Variants in ARL6IP6 observed in about 807,000 individuals in gnomAD.
ARL6IP6 encodes ARF like GTPase 6 interacting protein 6.
ARL6IP6 carries 22 observed loss-of-function variants against 21.5 expected under a neutral mutation model. The observed-to-expected ratio is 1.02, with a 90% CI of 0.73 to 1.46. The LOEUF (loss-of-function observed/expected upper bound fraction) is 1.46. Ranked by LOEUF, ARL6IP6 falls within the 40% of genes most tolerant of loss-of-function variation. ARL6IP6 has a pLI of 0.00. For missense variants in ARL6IP6, 388 were observed against 299.8 expected, an observed-to-expected ratio of 1.29 and a Z score of -2.17; for synonymous variants, 164 against 125.3, an observed-to-expected ratio of 1.31 and a Z score of -2.06.
At chr2:152,740,719 G>A (rs1311902959) in intron 3 of ARL6IP6, among the ~76,000 whole-genome samples, 6 of 151,222 alleles carry the variant, frequency 4.0e-5, no homozygotes, top group Non-Finnish European at 8.9e-5. Flanking sequence ...GATTGCTTGA[G>A]CCCAGGAGTT....
chr2:152,741,171 C>A (rs749607226), intron 3 of ARL6IP6, among the ~76,000 whole-genome samples: 1 of 151,774 alleles, frequency 6.6e-6, no homozygotes, highest in African/African-American at 2.4e-5. Flanking sequence ...AAAAGTAATT[C>A]AGATTCTTTA....
At chr2:152,734,839 A>G (rs1403082865) in intron 2 of ARL6IP6, among the ~76,000 whole-genome samples, 155 bp from the exon 3 acceptor site, 3 of 152,214 alleles carry the variant, frequency 2.0e-5, no homozygotes, top group Non-Finnish European at 4.4e-5. Flanking sequence ...ATTTCTACAT[A>G]AGTTAGCTTG....
chr2:152,718,884 G>T lies in ARL6IP6; in HGVS notation c.260G>T (p.Arg87Leu). 1 of 1,613,888 alleles carries T rather than the reference G, an allele frequency of 6.2e-7. No individual in the cohort carries two copies. The highest frequency in any genetic ancestry group is 1.7e-4 in the Middle Eastern group (1 of 6,060). Residue 87 changes from arginine (R) to leucine (L), a missense_variant, in exon 1 of 4, where the codon CGC becomes CTC. Coordinates refer to ENST00000326446, the MANE Select transcript of ARL6IP6 (RefSeq NM_152522.7). Reference protein sequence around the residue: ...GNGSPVLPDKRNGIFPAAAGS... With the variant: ...GNGSPVLPDKLNGIFPAAAGS... ...GGGTCGCCCGTTCTGCCCGATAAGC[G>T]CAATGGTATCTTTCCCGCGGCCGCG...
chr2:152,732,315 G>GTTTCTGTT (rs1272130531), intron 2 of ARL6IP6, among the ~76,000 whole-genome samples: 1 of 152,016 alleles, frequency 6.6e-6, no homozygotes, highest in East Asian at 1.9e-4. Flanking sequence ...TGCATGAAGA[G>GTTTCTGTT]TTTCTGTTTA....
At chr2:152,726,366 C>G (rs78888772) in intron 2 of ARL6IP6, among the ~76,000 whole-genome samples, 1 of 151,972 alleles carries the variant, frequency 6.6e-6, no homozygotes, top group Non-Finnish European at 1.5e-5. Flanking sequence ...ACCATGCACT[C>G]TGCACCCACT....
intron 3 of ARL6IP6, among the ~76,000 whole-genome samples, chr2:152,757,265 G>C (rs556053441): frequency 3.3e-5 from 5 of 152,114 alleles, no homozygotes; most frequent in Non-Finnish European, 7.4e-5. Flanking sequence ...GGATCTTTTT[G>C]CAGTGCCAGA....
chr2:152,756,491 A>G (rs1189534175), intron 3 of ARL6IP6, among the ~76,000 whole-genome samples: 1 of 152,162 alleles, frequency 6.6e-6, no homozygotes, highest in Non-Finnish European at 1.5e-5. Flanking sequence ...CAAATTAAGA[A>G]CTTCTGTTCA....
At chr2:152,719,764 A>AAC in intron 1 of ARL6IP6, 3 of 249,324 alleles carry the variant, frequency 1.2e-5, no homozygotes, top group Non-Finnish European at 2.4e-5. Flanking sequence ...AAAAAAAAAA[A>AAC]AAAAAAAAAA....
At chr2:152,741,516 A>G (rs1700808528) in intron 3 of ARL6IP6, among the ~76,000 whole-genome samples, 1 of 152,234 alleles carries the variant, frequency 6.6e-6, no homozygotes, top group Middle Eastern at 3.4e-3. Context: ...AAAAAAAGTA[A>G]CATTTATTAC....
chr2:152,718,747 A>G lies in ARL6IP6; in HGVS notation c.123A>G (p.Glu41=), dbSNP rs939395106. 5.0e-6 allele frequency: 8 copies of G among 1,610,576 alleles called. No individual in the cohort carries two copies. The highest frequency in any genetic ancestry group is 6.8e-6 in the Non-Finnish European group (8 of 1,178,430). Reference sequence around the variant, plus strand: ...AGGGGGACAGCTGGGGTGAAGGCGAAGTCGACGAGGAGGAGGGATGCGACC... The same window carrying G: ...AGGGGGACAGCTGGGGTGAAGGCGAGGTCGACGAGGAGGAGGGATGCGACC... ...FTQGDSWGEG[E]VDEEEGCDQV... is the part of the protein sequence containing the mutation. Residue 41 remains glutamate, a synonymous_variant, in exon 1 of 4, where the codon GAA becomes GAG. Transcript: ENST00000326446.
intron 1 of ARL6IP6, among the ~76,000 whole-genome samples, chr2:152,719,487 T>A (rs1350073323): frequency 1.3e-5 from 2 of 152,192 alleles, no homozygotes; most frequent in Non-Finnish European, 2.9e-5. Context: ...CCAAATTTCT[T>A]CTTTTATAGG....
Position 152,760,977 on chromosome 2 carries a change from A to G in ARL6IP6, c.*1137A>G, listed in dbSNP as rs574207830. ...TTCCCCTATGTTACTAAAGACTTTTAATGTTTAGAAAGTTACCTCAGTTTT... is the reference window on the plus strand; with the variant it reads ...TTCCCCTATGTTACTAAAGACTTTTGATGTTTAGAAAGTTACCTCAGTTTT... On this transcript the variant is annotated 3_prime_UTR_variant, in exon 4 of 4. Transcript: ENST00000326446. The G allele has an allele frequency of 6.6e-6, 1 of 152,270 alleles. No individual in the cohort carries two copies. The highest frequency in any genetic ancestry group is 2.1e-4 in the South Asian group (1 of 4,824). 9.4% of individuals were successfully genotyped at this position (152,270 alleles called of 1,614,324 possible). A position where few individuals can be genotyped will look rare whatever the true frequency, so the allele number is the denominator to read the frequency against.
At position 152,760,806 on chromosome 2, in the gene ARL6IP6, C is replaced by T. The variant is rs1319947395; in HGVS notation, c.*966C>T. On this transcript the variant is annotated 3_prime_UTR_variant, in exon 4 of 4. Coordinates refer to ENST00000326446, the MANE Select transcript of ARL6IP6 (RefSeq NM_152522.7). ...GATTGAACTAGTTTGTTCTTAATCT[C>T]AAAAATTTAGTTACCAAAGTAGAAA... 1 of 151,424 alleles carries T rather than the reference C, an allele frequency of 6.6e-6. No homozygotes were observed. Among genetic ancestry groups the T allele is most frequent in the African/African-American group, 2.4e-5 (1 of 41,188 alleles). The allele number at this position is 151,424 out of a possible 1,614,324, so 9.4% of individuals were successfully genotyped here.
intron 3 of ARL6IP6, among the ~76,000 whole-genome samples, chr2:152,737,191 C>G (rs1435511497): frequency 6.6e-6 from 1 of 152,128 alleles, no homozygotes; most frequent in African/African-American, 2.4e-5. Context: ...GCTTGACATC[C>G]CCCTCATAAA....
intron 2 of ARL6IP6, among the ~76,000 whole-genome samples, chr2:152,726,254 T>A (rs1452059422): frequency 1.3e-5 from 2 of 152,250 alleles, no homozygotes; most frequent in East Asian, 3.8e-4. Context: ...GAGGATCACC[T>A]TCCTCATCTG....
chr2:152,718,490 C>G (rs1184904907), upstream of ARL6IP6: 23 of 1,309,712 alleles, frequency 1.8e-5, no homozygotes, highest in Middle Eastern at 2.8e-4. Flanking sequence ...CGCCGCCCAC[C>G]CTTGCTCTCC....
chr2:152,724,377 A>T (rs1699938493), intron 2 of ARL6IP6, among the ~76,000 whole-genome samples: 1 of 152,220 alleles, frequency 6.6e-6, no homozygotes, highest in Non-Finnish European at 1.5e-5. Flanking sequence ...TTCCTCTAGT[A>T]TTCTCAACTA....
intron 3 of ARL6IP6, among the ~76,000 whole-genome samples, chr2:152,758,517 C>T (rs1041796370): frequency 2.0e-5 from 3 of 152,022 alleles, no homozygotes; most frequent in African/African-American, 7.2e-5. Flanking sequence ...AAGCATTATA[C>T]CTATTTTACG....
intron 2 of ARL6IP6, among the ~76,000 whole-genome samples, chr2:152,724,283 T>G (rs1399493824): frequency 1.3e-5 from 2 of 152,214 alleles, no homozygotes; most frequent in African/African-American, 2.4e-5. Context: ...AATTTAAGTT[T>G]AGAGAATAAT....
Sources: allele counts gnomAD v4.1 joint callset (sites outside exome capture counted in the v4.1 genomes callset), GRCh38; gene constraint gnomAD v4.1.1; transcripts MANE v1.5; gene names NCBI Gene and HGNC (gene_info 2026-07-23, HGNC 2026-07-21).